Variants in DCDC1 observed in about 807,000 individuals in gnomAD.
DCDC1 encodes the protein doublecortin domain-containing protein 1.
Under a neutral mutation model 178.3 loss-of-function variants are expected in DCDC1, and 200 were observed. The observed-to-expected ratio is 1.12, with a 90% CI of 1.00 to 1.26. DCDC1 has a LOEUF of 1.26. DCDC1 is among the 50% of genes most tolerant of loss of function. The probability of loss-of-function intolerance (pLI) is 0.00; values close to 1 mark genes in which losing one functional copy is unlikely to be tolerated. For missense variants in DCDC1, 1,983 were observed against 1,749.2 expected, an observed-to-expected ratio of 1.13 and a Z score of -2.38; for synonymous variants, 690 against 604.8, an observed-to-expected ratio of 1.14 and a Z score of -2.07.
intron 9 of DCDC1, among the ~76,000 whole-genome samples, chr11:31,157,097 C>T (rs925013293): frequency 3.3e-5 from 5 of 151,548 alleles, no homozygotes; most frequent in African/African-American, 4.8e-5. Flanking sequence ...GTGTTGTAAC[C>T]GGCCAGGTGG....
At chr11:31,203,965 T>C (rs896701296) in intron 9 of DCDC1, among the ~76,000 whole-genome samples, 8 of 152,232 alleles carry the variant, frequency 5.3e-5, no homozygotes, top group African/African-American at 9.6e-5. Context: ...CAAGGACCAA[T>C]AGTAATATTC....
Position 31,091,371 on chromosome 11 carries a change from C to A in DCDC1, c.2237+22G>T, listed in dbSNP as rs771134621. On this transcript the variant is annotated intron_variant, in intron 17 of 38. Coordinates refer to ENST00000684477, the MANE Select transcript of DCDC1 (RefSeq NM_001387274.1). ...TGAAATTAGCATTTATTATCTTGAG[C>A]TAAATAATTTATAAGCATTACCTTT... The A allele has an allele frequency of 3.2e-5, 23 of 709,270 alleles. No individual in the cohort carries two copies. The South Asian group carries it at 3.2e-4, about 10-fold the overall frequency. The allele number at this position is 709,270 out of a possible 1,614,324, so 43.9% of individuals were successfully genotyped here. A position where few individuals can be genotyped will look rare whatever the true frequency, so the allele number is the denominator to read the frequency against.
chr11:30,867,478 G>A (rs938620862), intron 38 of DCDC1, among the ~76,000 whole-genome samples: 2 of 152,206 alleles, frequency 1.3e-5, no homozygotes, highest in African/African-American at 2.4e-5. Flanking sequence ...GCCCGGTACA[G>A]GTAGACACTC....
chr11:31,003,488 A>G (rs1017496099), intron 20 of DCDC1, among the ~76,000 whole-genome samples: 1 of 152,208 alleles, frequency 6.6e-6, no homozygotes, highest in Non-Finnish European at 1.5e-5. Flanking sequence ...TGTGAAGCAC[A>G]TCATAGAAGA....
intron 10 of DCDC1, among the ~76,000 whole-genome samples, chr11:31,130,779 C>A (rs1208999780): frequency 6.6e-6 from 1 of 151,934 alleles, no homozygotes; most frequent in Non-Finnish European, 1.5e-5. Context: ...GACCCTCATG[C>A]CAGTGAAATT....
At chr11:30,997,419 A>G (rs766569832) in intron 20 of DCDC1, among the ~76,000 whole-genome samples, 6 of 152,208 alleles carry the variant, frequency 3.9e-5, no homozygotes, top group Non-Finnish European at 7.3e-5. Flanking sequence ...TGTACAATAA[A>G]TATACAACAT....
At position 30,975,280 on chromosome 11, in the gene DCDC1, G is replaced by A. The variant is rs577965503; in HGVS notation, c.2592-22712C>T. ...CAGCTAACATACTGAATGGGGAAAAGCTAAAAACATTACCTCTAAGAACTG... is the reference window on the plus strand; with the variant it reads ...CAGCTAACATACTGAATGGGGAAAAACTAAAAACATTACCTCTAAGAACTG... On this transcript the variant is annotated intron_variant, in intron 20 of 38. Transcript: ENST00000684477. 1.4e-3 allele frequency among the ~76,000 whole-genome samples: 217 copies of A among 151,990 alleles called. 1 individual carries two copies. Among genetic ancestry groups the A allele is most frequent in the African/African-American group, 4.7e-3 (193 of 41,500 alleles).
intron 9 of DCDC1, among the ~76,000 whole-genome samples, chr11:31,231,706 CA>C (rs398115233): frequency 2.0e-5 from 3 of 150,642 alleles, no homozygotes; most frequent in Non-Finnish European, 3.0e-5. Flanking sequence ...GGAGGGAACA[CA>C]AAAAAAAATG....
intron 37 of DCDC1, among the ~76,000 whole-genome samples, chr11:30,880,920 A>C (rs1240167602): frequency 6.6e-6 from 1 of 152,188 alleles, no homozygotes; most frequent in African/African-American, 2.4e-5. Context: ...TCTGCAAATA[A>C]GCCCCCTGGA....
chr11:30,967,995 A>G (rs1189529867), intron 20 of DCDC1, among the ~76,000 whole-genome samples: 1 of 152,166 alleles, frequency 6.6e-6, no homozygotes, highest in Non-Finnish European at 1.5e-5. Flanking sequence ...TAATGAAATA[A>G]CAAGGATGCT....
intron 9 of DCDC1, among the ~76,000 whole-genome samples, chr11:31,179,929 A>T (rs1161304334): frequency 6.6e-6 from 1 of 152,234 alleles, no homozygotes; most frequent in Non-Finnish European, 1.5e-5. Flanking sequence ...CATTGAAAAG[A>T]TAACACACCA....
chr11:30,904,823 A>T, intron 31 of DCDC1, 138 bp downstream of exon 31: 8 of 904,846 alleles, frequency 8.8e-6, no homozygotes, highest in South Asian at 1.6e-5. Flanking sequence ...GTAAACAGAG[A>T]TCTTCATCTC....
intron 9 of DCDC1, among the ~76,000 whole-genome samples, chr11:31,167,985 CT>C (rs1398016894): frequency 6.6e-6 from 1 of 152,168 alleles, no homozygotes; most frequent in Non-Finnish European, 1.5e-5. Flanking sequence ...AAGCAATGCC[CT>C]GGGTATGTGT....
intron 17 of DCDC1, among the ~76,000 whole-genome samples, chr11:31,082,290 A>AT (rs996973955): frequency 1.6e-4 from 24 of 151,540 alleles, no homozygotes; most frequent in African/African-American, 5.8e-4. Flanking sequence ...TGGCCTTGCA[A>AT]TTTTTTTTTA....
At chr11:31,281,591 C>G (rs1302128905) in intron 7 of DCDC1, among the ~76,000 whole-genome samples, 1 of 152,090 alleles carries the variant, frequency 6.6e-6, no homozygotes, top group African/African-American at 2.4e-5. Flanking sequence ...TGGTTTGGCT[C>G]TGTGTCCCCA....
chr11:31,069,273 G>T (rs973619411), intron 18 of DCDC1, among the ~76,000 whole-genome samples: 7 of 151,992 alleles, frequency 4.6e-5, no homozygotes, highest in Non-Finnish European at 8.8e-5. Flanking sequence ...CGAGATTTTT[G>T]AATCACTAAG....
At chr11:31,056,251 A>G (rs1955576851) in intron 20 of DCDC1, among the ~76,000 whole-genome samples, 1 of 152,206 alleles carries the variant, frequency 6.6e-6, no homozygotes, top group South Asian at 2.1e-4. Context: ...AACATAAAAT[A>G]ATAAATTTTA....
intron 3 of DCDC1, among the ~76,000 whole-genome samples, chr11:31,325,170 A>G (rs1215649987): frequency 1.3e-5 from 2 of 152,130 alleles, no homozygotes; most frequent in Non-Finnish European, 1.5e-5. Flanking sequence ...TAAAAATGCA[A>G]TTGTAATTTG....
chr11:30,933,130 T>C (rs1489626267), intron 21 of DCDC1, among the ~76,000 whole-genome samples: 5 of 152,120 alleles, frequency 3.3e-5, no homozygotes, highest in African/African-American at 4.8e-5. Flanking sequence ...CAGTTTGTCT[T>C]TCCCTTCATA....
Sources: allele counts gnomAD v4.1 joint callset (sites outside exome capture counted in the v4.1 genomes callset), GRCh38; gene constraint gnomAD v4.1.1; transcripts MANE v1.5; gene names NCBI Gene and HGNC (gene_info 2026-07-23, HGNC 2026-07-21).